The following CAMKK2 variants were observed in gnomAD, a reference collection of about 807,000 sequenced individuals.
CAMKK2 encodes calcium/calmodulin dependent protein kinase kinase 2.
Under a neutral mutation model 67.2 loss-of-function variants are expected in CAMKK2, and 30 were observed. The ratio of observed to expected loss-of-function variants is 0.45; its 90% CI spans 0.33 to 0.61. The LOEUF (loss-of-function observed/expected upper bound fraction) is 0.61. Among genes scored for constraint, CAMKK2 ranks in the 20% least tolerant of loss-of-function variants. The pLI, the probability that CAMKK2 is intolerant of heterozygous loss-of-function variation, is 0.02. For synonymous variants in CAMKK2, 322 were observed against 326.2 expected (o/e 0.99, Z 0.14); for missense variants, 643 against 802.0 (o/e 0.80, Z 2.39).
chr12:121,273,967 G>A, intron 2 of CAMKK2, 89 bp downstream of exon 2: 1 of 1,056,988 alleles, frequency 9.5e-7, no homozygotes, highest in Non-Finnish European at 1.3e-6. Flanking sequence ...GATCCTTCTG[G>A]GGGAGCCCAA....
At chr12:121,292,605 T>C (rs1900280046) in intron 1 of CAMKK2, among the ~76,000 whole-genome samples, 1 of 152,200 alleles carries the variant, frequency 6.6e-6, no homozygotes, top group Admixed American at 6.6e-5. Context: ...CCAGCCGGCC[T>C]GAACCCCATA....
In CAMKK2 at chr12:121,245,192, C is replaced by T. The variant is rs1889197730; in HGVS notation, c.1501G>A (p.Glu501Lys). ...IRKRSFGNPF[E>K]GSRREERSLS... ...GAGCGTTCCTCCCGCCGGCTGCCCT[C>T]GAATGGGTTCCCAAAGGAGCGTTTA... The change falls in exon 15 of 17, where the codon GAG becomes AAG. Residue 501 changes from glutamate to lysine, a missense_variant. Physicochemically the swap from Glu to Lys is moderately conservative, Grantham distance 56. Transcript: ENST00000404169. This position sits in a 1 kb window ranked among gnomAD's most constrained non-coding sequence, Gnocchi z 5.8. The T allele has an allele frequency of 1.2e-6, 2 of 1,609,452 alleles. No homozygotes were observed. The highest frequency in any genetic ancestry group is 1.7e-6 in the Non-Finnish European group (2 of 1,177,704).
At chr12:121,271,017 C>T (rs1013799261) in intron 2 of CAMKK2, 72 bp from the exon 3 acceptor site, 7 of 1,231,450 alleles carry the variant, frequency 5.7e-6, no homozygotes, top group Middle Eastern at 1.9e-4. Flanking sequence ...CGGTGGCTCA[C>T]ACCTACAAGC....
At chr12:121,274,715 A>G in intron 1 of CAMKK2, 130 bp from the exon 2 acceptor site, 1 of 588,442 alleles carries the variant, frequency 1.7e-6, no homozygotes, top group Non-Finnish European at 3.0e-6. Context: ...ATCTTGCAAA[A>G]CATGGTGTGA....
rs1889016514 is a variant in CAMKK2, at chr12:121,244,497, C to T, written c.1596+76G>A. On this transcript the variant is annotated intron_variant, in intron 16 of 16. Transcript: ENST00000404169. Reference sequence around the variant, plus strand: ...AGGAGCATCTGCCCGGGTGGGGATGCCCCCGTGCTCTGCAGCTGCCCACCC... The same window carrying T: ...AGGAGCATCTGCCCGGGTGGGGATGTCCCCGTGCTCTGCAGCTGCCCACCC... 1.5e-5 allele frequency: 21 copies of T among 1,375,944 alleles called. No individual in the cohort carries two copies. In the South Asian group the frequency reaches 2.7e-4, roughly 17 times the overall value. 85.2% of individuals were successfully genotyped at this position (1,375,944 alleles called of 1,614,324 possible). A position where few individuals can be genotyped will look rare whatever the true frequency, so the allele number is the denominator to read the frequency against.
At chr12:121,250,139 A>C in intron 11 of CAMKK2, 105 bp from the exon 12 acceptor site, 1 of 886,394 alleles carries the variant, frequency 1.1e-6, no homozygotes, top group Non-Finnish European at 1.8e-6. Context: ...AGAGAAATCA[A>C]CAATTGCGGC....
chr12:121,272,067 C>G (rs968683521), intron 2 of CAMKK2, among the ~76,000 whole-genome samples: 1 of 152,172 alleles, frequency 6.6e-6, no homozygotes, highest in Admixed American at 6.5e-5. Context: ...TCTCAAACTC[C>G]TGGTCTTAAG....
At chr12:121,247,465 G>A (rs933131883) in intron 14 of CAMKK2, among the ~76,000 whole-genome samples, 2 of 152,222 alleles carry the variant, frequency 1.3e-5, no homozygotes, top group Non-Finnish European at 2.9e-5. Context: ...GAAGGAAAGG[G>A]AGGGCAACTG....
chr12:121,255,963 G>A (rs58903711), intron 7 of CAMKK2, among the ~76,000 whole-genome samples, 159 bp from the exon 8 acceptor site: 4,097 of 152,226 alleles, frequency 0.027, 195 homozygotes, highest in African/African-American at 0.094. Flanking sequence ...GCTGGCCAAG[G>A]TCCTGCTTTG....
At chr12:121,290,043 G>A (rs1326587673) in intron 1 of CAMKK2, among the ~76,000 whole-genome samples, 1 of 152,182 alleles carries the variant, frequency 6.6e-6, no homozygotes, top group Non-Finnish European at 1.5e-5. Context: ...ACCTAAGAGG[G>A]TGGCTATAGA....
rs1228222625 is a variant in CAMKK2 at position 121,245,725 on chromosome 12, A to C, written c.1453-485T>G. ...TAAGAGTCACTGGGCCCCTCACCCCACCCCAACCAGGGCACGGTGCCCCTT... is the reference window on the plus strand; with the variant it reads ...TAAGAGTCACTGGGCCCCTCACCCCCCCCCAACCAGGGCACGGTGCCCCTT... On this transcript the variant is annotated intron_variant, in intron 14 of 16. Transcript: ENST00000404169. This position sits in a 1 kb window ranked among gnomAD's most constrained non-coding sequence, Gnocchi z 5.8. Among the ~76,000 whole-genome samples the C allele has an allele frequency of 6.6e-6, 1 of 152,030 alleles. No individual in the cohort carries two copies. The highest frequency in any genetic ancestry group is 1.5e-5 in the Non-Finnish European group (1 of 67,994).
intron 16 of CAMKK2, among the ~76,000 whole-genome samples, chr12:121,241,687 G>A (rs1218529700): frequency 6.6e-6 from 1 of 152,238 alleles, no homozygotes; most frequent in East Asian, 1.9e-4. Flanking sequence ...TGTCCAGGAG[G>A]GAGACTGTCC....
chr12:121,253,423 C>T lies in CAMKK2; in HGVS notation c.957G>A (p.Leu319=). The T allele has an allele frequency of 6.2e-7, 1 of 1,614,098 alleles. No individual in the cohort carries two copies. ...TCTTGATGTGCCCATCTTCTCCGAC[C>T]AGGAGGTTGGAAGGTTTGATGTCAC... ...IHRDIKPSNL[L]VGEDGHIKIA... Residue 319 remains leucine (L), a synonymous_variant, in exon 10 of 17, where the codon CTG becomes CTA. Coordinates refer to ENST00000404169, the MANE Select transcript of CAMKK2 (RefSeq NM_001270485.2). This position sits in a 1 kb window ranked among gnomAD's most constrained non-coding sequence, Gnocchi z 5.0.
chr12:121,267,971 G>A (rs944062255), intron 5 of CAMKK2, among the ~76,000 whole-genome samples: 2 of 151,436 alleles, frequency 1.3e-5, no homozygotes, highest in African/African-American at 4.9e-5. Flanking sequence ...TAATATGTGA[G>A]CTTTTGTGTT....
At chr12:121,273,338 C>T (rs1593424400) in intron 2 of CAMKK2, among the ~76,000 whole-genome samples, 1 of 151,884 alleles carries the variant, frequency 6.6e-6, no homozygotes, top group Non-Finnish European at 1.5e-5. Flanking sequence ...GCTTGGATTC[C>T]GAGGAATGTG....
chr12:121,276,612 G>A (rs1452230772), intron 1 of CAMKK2, among the ~76,000 whole-genome samples: 1 of 152,154 alleles, frequency 6.6e-6, no homozygotes. Context: ...AATTCAGGGA[G>A]TACATTTGTG....
intron 1 of CAMKK2, among the ~76,000 whole-genome samples, chr12:121,279,018 G>A (rs1897279421): frequency 6.6e-6 from 1 of 152,254 alleles, no homozygotes; most frequent in Admixed American, 6.5e-5. Context: ...AAATGAGGCT[G>A]AGCAGTGCCT....
chr12:121,264,119 G>T (rs1195292208), intron 5 of CAMKK2, among the ~76,000 whole-genome samples, 180 bp from the exon 6 acceptor site: 1 of 152,172 alleles, frequency 6.6e-6, no homozygotes, highest in Non-Finnish European at 1.5e-5. Flanking sequence ...GCTGCTGGAA[G>T]TGAGTGAGGG....
chr12:121,262,973 G>GT (rs150740421), intron 6 of CAMKK2, among the ~76,000 whole-genome samples: 5,135 of 145,954 alleles, frequency 0.035, 93 homozygotes, highest in Middle Eastern at 0.1. Flanking sequence ...TTCAAAAAAA[G>GT]TTTTTTTTTT....
Sources: allele counts gnomAD v4.1 joint callset (sites outside exome capture counted in the v4.1 genomes callset), GRCh38; gene constraint gnomAD v4.1.1; non-coding constraint Gnocchi (gnomAD v3.1); transcripts MANE v1.5; gene names NCBI Gene and HGNC (gene_info 2026-07-23, HGNC 2026-07-21).